KLHL18: variants seen among roughly 807,000 people sequenced by gnomAD.
KLHL18 encodes kelch-like protein 18.
Under a neutral mutation model 58.5 loss-of-function variants are expected in KLHL18, and 38 were observed. That is an observed-to-expected ratio of 0.65 (90% CI 0.50 to 0.85). The LOEUF is 0.85. Among genes scored for constraint, KLHL18 ranks in the 40% least tolerant of loss-of-function variants. KLHL18 has a pLI of 0.00. For missense variants in KLHL18, 624 were observed against 778.4 expected (o/e 0.80, Z 2.36); for synonymous variants, 303 against 301.9 (o/e 1.00, Z -0.04).
chr3:47,316,265 G>T (rs1559495270), intron 1 of KLHL18, among the ~76,000 whole-genome samples: 1 of 151,798 alleles, frequency 6.6e-6, no homozygotes, highest in Non-Finnish European at 1.5e-5. Context: ...AAATCCTAAA[G>T]GCTTCTAGAG....
At chr3:47,341,011 T>C (rs1379061912) in intron 8 of KLHL18, among the ~76,000 whole-genome samples, 3 of 151,920 alleles carry the variant, frequency 2.0e-5, no homozygotes, top group African/African-American at 2.4e-5. Flanking sequence ...TAGGATATGA[T>C]TTGGAAAAAA....
At chr3:47,311,270 A>G (rs1037471067) in intron 1 of KLHL18, among the ~76,000 whole-genome samples, 1 of 152,018 alleles carries the variant, frequency 6.6e-6, no homozygotes, top group Non-Finnish European at 1.5e-5. Context: ...TAACATGTAG[A>G]ATTCTTGAGT....
At chr3:47,328,098 C>T (rs977839964) in intron 3 of KLHL18, among the ~76,000 whole-genome samples, 3 of 152,084 alleles carry the variant, frequency 2.0e-5, no homozygotes, top group Admixed American at 1.3e-4. Flanking sequence ...GGCACAGTGG[C>T]TCATGCCTGT....
Position 47,346,797 on chromosome 3 carries a change from TAA to T in KLHL18, c.*2858_*2859del, listed in dbSNP as rs897319392. On this transcript the variant is annotated 3_prime_UTR_variant, in exon 10 of 10. Transcript: ENST00000232766. ...TTTGTGTTAAGAAACCAAAGAGAAA[TAA>T]AGAGAACACTCCTAATAGCTCTTGT... The T allele has an allele frequency of 6.6e-6, 1 of 152,632 alleles. No homozygotes were observed. Among genetic ancestry groups the T allele is most frequent in the Non-Finnish European group, 1.5e-5 (1 of 68,048 alleles). 9.5% of individuals were successfully genotyped at this position (152,632 alleles called of 1,614,324 possible).
intron 1 of KLHL18, among the ~76,000 whole-genome samples, chr3:47,306,194 C>T (rs1703145006): frequency 6.6e-6 from 1 of 151,964 alleles, no homozygotes; most frequent in South Asian, 2.1e-4. Flanking sequence ...CTCACCACTG[C>T]TTTAGATATG....
chr3:47,322,774 T>TTACATCCTCTTGGATGTAAAA, intron 3 of KLHL18, 66 bp downstream of exon 3: 2 of 1,459,294 alleles, frequency 1.4e-6, no homozygotes, highest in Non-Finnish European at 1.8e-6. Context: ...TCTGCCAGTT[T>TTACATCCTCTTGGATGTAAAA]GCTGAGTTCT....
At chr3:47,301,438 A>G (rs1169136666) in intron 1 of KLHL18, among the ~76,000 whole-genome samples, 1 of 151,746 alleles carries the variant, frequency 6.6e-6, no homozygotes, top group African/African-American at 2.4e-5. Flanking sequence ...TTTTTTGCAT[A>G]TGGATATCCA....
intron 1 of KLHL18, among the ~76,000 whole-genome samples, chr3:47,291,570 A>G (rs1702791602): frequency 6.6e-6 from 1 of 152,266 alleles, no homozygotes; most frequent in Non-Finnish European, 1.5e-5. Flanking sequence ...TACACAATGT[A>G]TAAATGAATG....
intron 1 of KLHL18, among the ~76,000 whole-genome samples, chr3:47,284,925 T>C (rs1702642771): frequency 6.6e-6 from 1 of 152,038 alleles, no homozygotes; most frequent in Non-Finnish European, 1.5e-5. Context: ...TTCAAGCCAG[T>C]CTCCTGCCTT....
rs773546345 is a variant in KLHL18, at chr3:47,343,536, G to A, written c.1339-19G>A. The A allele has an allele frequency of 6.2e-7, 1 of 1,612,426 alleles. No homozygotes were observed. Among genetic ancestry groups the A allele is most frequent in the Non-Finnish European group, 8.5e-7 (1 of 1,179,940 alleles). On this transcript the variant is annotated intron_variant, in intron 9 of 9. Transcript: ENST00000232766. ...TTGCCTCTGACTGTCCTGTACCTGTGCCTCTCTCCCCACTGCAGGTGGAAC... is the reference window on the plus strand; with the variant it reads ...TTGCCTCTGACTGTCCTGTACCTGTACCTCTCTCCCCACTGCAGGTGGAAC...
At chr3:47,328,503 G>C (rs1703777587) in intron 3 of KLHL18, among the ~76,000 whole-genome samples, 1 of 152,092 alleles carries the variant, frequency 6.6e-6, no homozygotes, top group Non-Finnish European at 1.5e-5. Flanking sequence ...ACTGACACTT[G>C]GAAGAACATA....
intron 1 of KLHL18, among the ~76,000 whole-genome samples, chr3:47,306,491 T>A (rs923034390): frequency 6.6e-6 from 1 of 152,244 alleles, no homozygotes. Flanking sequence ...ATGAATAATG[T>A]TCCATTATAT....
chr3:47,284,571 C>T (rs1276711493), intron 1 of KLHL18, among the ~76,000 whole-genome samples: 1 of 151,966 alleles, frequency 6.6e-6, no homozygotes, highest in Non-Finnish European at 1.5e-5. Context: ...TCCTGAGCTT[C>T]AGCAGTCTGC....
At chr3:47,342,970 C>T (rs1704143040) in intron 9 of KLHL18, 140 bp downstream of exon 9, 1 of 651,038 alleles carries the variant, frequency 1.5e-6, no homozygotes, top group Non-Finnish European at 2.7e-6. Context: ...CTATCCACTG[C>T]ACCTTCTGAA....
chr3:47,297,204 G>A (rs1241346655), intron 1 of KLHL18, among the ~76,000 whole-genome samples: 1 of 152,216 alleles, frequency 6.6e-6, no homozygotes, highest in African/African-American at 2.4e-5. Flanking sequence ...TTCAAAGAGT[G>A]TGCTCTAAAA....
chr3:47,329,955 C>T lies in KLHL18; in HGVS notation c.406C>T (p.His136Tyr). 1 of 1,613,830 alleles carries T rather than the reference C, an allele frequency of 6.2e-7. No individual in the cohort carries two copies. Reference protein sequence around the residue: ...ACCTFLRERLHPKNCLGVRQF... With the variant: ...ACCTFLRERLYPKNCLGVRQF... ...TTTTCTTTCCTTATGCCAAAGGCTT[C>T]ACCCAAAAAACTGCCTGGGTGTGCG... is the stretch of plus-strand genomic sequence containing the variant. The change falls in exon 4 of 10, where the codon CAC (histidine) becomes TAC (tyrosine). Residue 136 changes from histidine to tyrosine, a missense_variant. Transcript: ENST00000232766.
chr3:47,293,940 CTATT>C (rs1702843076), intron 1 of KLHL18, among the ~76,000 whole-genome samples: 1 of 152,126 alleles, frequency 6.6e-6, no homozygotes, highest in Admixed American at 6.6e-5. Context: ...AATTACATAA[CTATT>C]TATAGTGTTG....
chr3:47,314,891 T>C (rs1291305575), intron 1 of KLHL18, among the ~76,000 whole-genome samples: 1 of 152,214 alleles, frequency 6.6e-6, no homozygotes, highest in East Asian at 1.9e-4. Flanking sequence ...GTAATCAGGC[T>C]AACATATCCC....
At chr3:47,292,904 CAAAA>C (rs35830922) in intron 1 of KLHL18, among the ~76,000 whole-genome samples, 8 of 109,342 alleles carry the variant, frequency 7.3e-5, no homozygotes, top group South Asian at 3.2e-4. Context: ...GACCCTGTCT[CAAAA>C]AAAAAAAAAA....
Sources: allele counts gnomAD v4.1 joint callset (sites outside exome capture counted in the v4.1 genomes callset), GRCh38; gene constraint gnomAD v4.1.1; transcripts MANE v1.5; gene names NCBI Gene and HGNC (gene_info 2026-07-23, HGNC 2026-07-21).